The following TLCD4 variants were observed in gnomAD, a reference collection of about 807,000 sequenced individuals.
The protein encoded by TLCD4 is TLC domain-containing protein 4.
In TLCD4, 7 loss-of-function variants were observed where a neutral mutation model predicts 24.2. That is an observed-to-expected ratio of 0.29 (90% CI 0.16 to 0.54). The LOEUF (loss-of-function observed/expected upper bound fraction) is 0.54, where lower values mean the gene tolerates loss of function less well. Among genes scored for constraint, TLCD4 ranks in the 20% least tolerant of loss-of-function variants. The pLI, the probability that TLCD4 is intolerant of heterozygous loss-of-function variation, is 0.95. For missense variants in TLCD4, 259 were observed against 313.9 expected (o/e 0.82, Z 1.32); for synonymous variants, 103 against 106.4 (o/e 0.97, Z 0.20).
chr1:95,158,107 G>A (rs1677681778), intron 5 of TLCD4, among the ~76,000 whole-genome samples: 1 of 151,940 alleles, frequency 6.6e-6, no homozygotes, highest in Non-Finnish European at 1.5e-5. Context: ...GTTAGGGAAT[G>A]CTAGTTGTCA....
chr1:95,179,957 T>C (rs1678575563), intron 6 of TLCD4, among the ~76,000 whole-genome samples: 1 of 152,240 alleles, frequency 6.6e-6, no homozygotes, highest in Non-Finnish European at 1.5e-5. Context: ...AATAGCAACA[T>C]ATGTGTATAT....
chr1:95,129,115 G>A (rs1385597244), intron 1 of TLCD4, among the ~76,000 whole-genome samples: 1 of 152,136 alleles, frequency 6.6e-6, no homozygotes, highest in Admixed American at 6.5e-5. Context: ...AAAAATAAAG[G>A]TCTATTAGAA....
chr1:95,117,708 A>G (rs1676464732), intron 1 of TLCD4, 91 bp downstream of exon 1: 1 of 150,690 alleles, frequency 6.6e-6, no homozygotes, highest in East Asian at 2.0e-4. Flanking sequence ...CAGCCCGCGG[A>G]GAGGGGTGCC....
the TLCD4 span, among the ~76,000 whole-genome samples, chr1:95,110,167 A>G: frequency 1.3e-4 from 20 of 151,412 alleles, no homozygotes; most frequent in Non-Finnish European, 2.2e-4. Context: ...ATAAAATCAT[A>G]TAATATAGAA....
intron 1 of TLCD4, among the ~76,000 whole-genome samples, chr1:95,119,682 T>G (rs1676517504): frequency 6.6e-6 from 1 of 152,180 alleles, no homozygotes; most frequent in Non-Finnish European, 1.5e-5. Flanking sequence ...CAGACCTGTT[T>G]ACTCTCCTCT....
At chr1:95,106,177 T>C in the TLCD4 span, among the ~76,000 whole-genome samples, 1 of 152,130 alleles carries the variant, frequency 6.6e-6, no homozygotes, top group Middle Eastern at 3.2e-3. Flanking sequence ...CTATAAATGT[T>C]AAGAGGTAAA....
intron 5 of TLCD4, among the ~76,000 whole-genome samples, chr1:95,169,789 C>G (rs1678145604): frequency 6.6e-6 from 1 of 152,160 alleles, no homozygotes; most frequent in Non-Finnish European, 1.5e-5. Context: ...CATGATCTTC[C>G]TGCCTTAGCC....
chr1:95,133,247 C>T (rs950709926), intron 1 of TLCD4, among the ~76,000 whole-genome samples: 3 of 151,526 alleles, frequency 2.0e-5, no homozygotes, highest in Non-Finnish European at 2.9e-5. Context: ...GGTGGGGGGA[C>T]GGAGGAGGGA....
the TLCD4 span, among the ~76,000 whole-genome samples, chr1:95,112,241 A>C: frequency 1.1e-4 from 17 of 152,138 alleles, no homozygotes; most frequent in Non-Finnish European, 2.5e-4. Context: ...GCCCCGTTTG[A>C]GAACCTCTAT....
rs1679056884 is a variant in TLCD4 at position 95,192,387 on chromosome 1, C to G, written c.*519C>G. ...GCCTTTCTTTTGCCTTATTTACAAGCATGGATAAAAATCTTAAAGGTTTAA... is the reference window on the plus strand; with the variant it reads ...GCCTTTCTTTTGCCTTATTTACAAGGATGGATAAAAATCTTAAAGGTTTAA... On this transcript the variant is annotated 3_prime_UTR_variant, in exon 7 of 7. Transcript: ENST00000370203. 1.3e-5 allele frequency: 2 copies of G among 152,264 alleles called. No individual in the cohort carries two copies. Among genetic ancestry groups the G allele is most frequent in the Admixed American group, 6.6e-5 (1 of 15,262 alleles). The allele number at this position is 152,264 out of a possible 1,614,324, so 9.4% of individuals were successfully genotyped here. A position where few individuals can be genotyped will look rare whatever the true frequency, so the allele number is the denominator to read the frequency against.
chr1:95,176,053 G>A (rs1678412675), intron 6 of TLCD4, among the ~76,000 whole-genome samples: 1 of 151,954 alleles, frequency 6.6e-6, no homozygotes, highest in African/African-American at 2.4e-5. Context: ...TGGGATTACA[G>A]GTTTGAGCCA....
intron 1 of TLCD4, among the ~76,000 whole-genome samples, chr1:95,119,990 T>G (rs897157210): frequency 6.6e-6 from 1 of 152,128 alleles, no homozygotes; most frequent in Non-Finnish European, 1.5e-5. Flanking sequence ...GGGTGAGAAT[T>G]ATGGGCATTT....
At chr1:95,093,730 C>T in the TLCD4 span, among the ~76,000 whole-genome samples, 1 of 152,176 alleles carries the variant, frequency 6.6e-6, no homozygotes, top group Non-Finnish European at 1.5e-5. Flanking sequence ...TATGTCCAAC[C>T]AGGATTCTCT....
At chr1:95,127,476 TA>T (rs1676772759) in intron 1 of TLCD4, among the ~76,000 whole-genome samples, 1 of 152,034 alleles carries the variant, frequency 6.6e-6, no homozygotes, top group Non-Finnish European at 1.5e-5. Flanking sequence ...AAGAACAAAA[TA>T]TATTTGGGGA....
chr1:95,189,336 G>A (rs1678944502), intron 6 of TLCD4, among the ~76,000 whole-genome samples: 1 of 152,098 alleles, frequency 6.6e-6, no homozygotes, highest in Non-Finnish European at 1.5e-5. Context: ...GTTATATCAT[G>A]CATTTGTAAC....
At position 95,191,699 on chromosome 1, in the gene TLCD4, AC is replaced by A; in HGVS notation, c.624del (p.Tyr208Ter). 3.1e-6 allele frequency: 5 copies of A among 1,614,174 alleles called. No homozygotes were observed. The highest frequency in any genetic ancestry group is 4.2e-6 in the Non-Finnish European group (5 of 1,180,026). On this transcript the variant is annotated frameshift_variant, in exon 7 of 7. Transcript: ENST00000370203. LOFTEE classifies it high-confidence loss of function. The stretch of plus-strand genomic sequence containing the variant: ...TATTCCGTGTATGGAACAGAACCCT[AC>A]ATAAGGCTTGGAGTTTTAATCCAGT... ...FMYSVYGTEP[Y>X]IRLGVLIQLS...
intron 1 of TLCD4, among the ~76,000 whole-genome samples, chr1:95,131,928 T>C (rs992040093): frequency 1.3e-5 from 2 of 152,218 alleles, no homozygotes; most frequent in African/African-American, 2.4e-5. Flanking sequence ...GCCATTCTTA[T>C]AGTAGTGAGT....
the TLCD4 span, among the ~76,000 whole-genome samples, chr1:95,111,158 T>G: frequency 6.6e-6 from 1 of 151,494 alleles, no homozygotes; most frequent in African/African-American, 2.4e-5. Context: ...ATTATCTGGG[T>G]GTGGTAGTGT....
chr1:95,173,658 G>A (rs1280093837), intron 5 of TLCD4, among the ~76,000 whole-genome samples, 158 bp from the exon 6 acceptor site: 3 of 152,156 alleles, frequency 2.0e-5, no homozygotes, highest in South Asian at 2.1e-4. Flanking sequence ...ATATTCTCAC[G>A]AAGAAAATCA....
Sources: gnomAD v4.1 joint callset for allele counts (sites outside exome capture counted in the v4.1 genomes callset) on GRCh38, gnomAD v4.1.1 for gene constraint, MANE v1.5 for transcripts, NCBI Gene and HGNC (gene_info 2026-07-23, HGNC 2026-07-21) for gene names.